The following WDR64 variants were observed in gnomAD, a reference collection of about 807,000 sequenced individuals.
The protein encoded by WDR64 is WD repeat-containing protein 64.
WDR64 carries 112 observed loss-of-function variants against 139.3 expected under a neutral mutation model. The ratio of observed to expected loss-of-function variants is 0.80; its 90% confidence interval spans 0.69 to 0.94. The LOEUF (loss-of-function observed/expected upper bound fraction) is 0.94. Ranked by LOEUF, WDR64 falls within the 40% of genes least tolerant of loss-of-function variation. The probability of loss-of-function intolerance (pLI) is 0.00; values close to 1 mark genes in which losing one functional copy is unlikely to be tolerated. For synonymous variants in WDR64, 444 were observed against 437.7 expected (o/e 1.01, Z -0.18); for missense variants, 1,206 against 1,293.1 (o/e 0.93, Z 1.03).
chr1:241,764,391 A>G (rs1658053930), intron 15 of WDR64, among the ~76,000 whole-genome samples: 2 of 152,152 alleles, frequency 1.3e-5, no homozygotes, highest in African/African-American at 4.8e-5. Flanking sequence ...AGTGGCTCAC[A>G]CCTGTAATCT....
At chr1:241,772,475 T>TTTTTTTTA (rs1424689400) in intron 19 of WDR64, among the ~76,000 whole-genome samples, 2 of 77,304 alleles carry the variant, frequency 2.6e-5, no homozygotes, top group African/African-American at 1.2e-4. Context: ...TTTTTTTTTT[T>TTTTTTTTA]TTTTTGAGAC....
At chr1:241,779,914 T>A in intron 21 of WDR64, 90 bp from the exon 22 acceptor site, 1 of 929,150 alleles carries the variant, frequency 1.1e-6, no homozygotes, top group Middle Eastern at 3.3e-4. Flanking sequence ...TTCAGCATTA[T>A]AAATACCTAA....
At chr1:241,686,353 A>T (rs1667003180) in intron 7 of WDR64, among the ~76,000 whole-genome samples, 1 of 152,238 alleles carries the variant, frequency 6.6e-6, no homozygotes, top group Non-Finnish European at 1.5e-5. Context: ...AGAAAGAAGT[A>T]GCCAGGATCC....
chr1:241,763,371 T>C (rs1658008145), intron 15 of WDR64, among the ~76,000 whole-genome samples: 1 of 152,262 alleles, frequency 6.6e-6, no homozygotes, highest in South Asian at 2.1e-4. Flanking sequence ...ATTATCATTA[T>C]AGCACTTCCT....
At chr1:241,687,312 A>G (rs936088788) in intron 7 of WDR64, 149 bp from the exon 8 acceptor site, 1 of 958,364 alleles carries the variant, frequency 1.0e-6, no homozygotes, top group Non-Finnish European at 1.5e-6. Context: ...TCTAAAAAAA[A>G]AAAAAAAAAG....
chr1:241,747,342 A>G (rs1324418776), intron 13 of WDR64, among the ~76,000 whole-genome samples: 2 of 152,086 alleles, frequency 1.3e-5, no homozygotes, highest in Non-Finnish European at 2.9e-5. Flanking sequence ...AGTTAATGGG[A>G]TTTTCTAATG....
At chr1:241,783,634 GTT>G (rs894462339) in intron 23 of WDR64, among the ~76,000 whole-genome samples, 1 of 152,026 alleles carries the variant, frequency 6.6e-6, no homozygotes, top group Non-Finnish European at 1.5e-5. Flanking sequence ...TAAAAGTGAA[GTT>G]TTTTTTGTAG....
chr1:241,795,834 T>C (rs1340525390), intron 26 of WDR64, among the ~76,000 whole-genome samples: 1 of 152,208 alleles, frequency 6.6e-6, no homozygotes, highest in Non-Finnish European at 1.5e-5. Flanking sequence ...AGAGACCAAA[T>C]ATTTCAAATT....
intron 1 of WDR64, among the ~76,000 whole-genome samples, chr1:241,653,133 A>G (rs912711632): frequency 2.6e-5 from 4 of 152,226 alleles, no homozygotes; most frequent in African/African-American, 4.8e-5. Flanking sequence ...TATGGTGGAC[A>G]GTGGTCTTAC....
intron 12 of WDR64, among the ~76,000 whole-genome samples, chr1:241,743,774 C>T (rs1669643661): frequency 6.6e-6 from 1 of 152,156 alleles, no homozygotes; most frequent in Non-Finnish European, 1.5e-5. Context: ...TGAGTCTTGA[C>T]ATGTCTCTAG....
At chr1:241,705,996 A>G (rs2148160243) in intron 8 of WDR64, among the ~76,000 whole-genome samples, 1 of 151,210 alleles carries the variant, frequency 6.6e-6, no homozygotes, top group South Asian at 2.1e-4. Flanking sequence ...TCAATCTTAC[A>G]CATTATTTTT....
chr1:241,704,611 CATT>C (rs1350187203), intron 8 of WDR64, among the ~76,000 whole-genome samples: 1 of 152,098 alleles, frequency 6.6e-6, no homozygotes, highest in African/African-American at 2.4e-5. Context: ...GGGCTCCTAT[CATT>C]ATTTTTTATA....
rs868339636 is a variant in WDR64 at position 241,748,018 on chromosome 1, A to C, written c.1595-1529A>C. On this transcript the variant is annotated intron_variant, in intron 13 of 27. Transcript: ENST00000437684. ...CCATGCTCCTCACAGAGCTCGTCAC[A>C]TGTCACACAGTGCTGGCCTCCCTCA... 2.0e-5 allele frequency among the ~76,000 whole-genome samples: 3 copies of C among 152,302 alleles called. No individual in the cohort carries two copies. In the Middle Eastern group the frequency reaches 0.01, roughly 518 times the overall value.
intron 3 of WDR64, among the ~76,000 whole-genome samples, 200 bp downstream of exon 3, chr1:241,671,376 T>C (rs1351673929): frequency 6.6e-6 from 1 of 152,164 alleles, no homozygotes; most frequent in Admixed American, 6.5e-5. Flanking sequence ...ATATTATAAT[T>C]TCTTTGAAGG....
intron 11 of WDR64, among the ~76,000 whole-genome samples, chr1:241,740,017 AT>A (rs1669473174): frequency 6.6e-6 from 1 of 152,148 alleles, no homozygotes; most frequent in South Asian, 2.1e-4. Context: ...CATTACAATC[AT>A]CTATTTTTTT....
intron 25 of WDR64, among the ~76,000 whole-genome samples, chr1:241,793,545 T>C (rs189167978): frequency 6.6e-6 from 1 of 152,372 alleles, no homozygotes; most frequent in African/African-American, 2.4e-5. Context: ...TCATATTTAA[T>C]AAATATTTAA....
intron 3 of WDR64, 74 bp from the exon 4 acceptor site, chr1:241,674,570 A>G (rs1666390772): frequency 9.8e-7 from 1 of 1,019,578 alleles, no homozygotes. Flanking sequence ...TCATTTTTTA[A>G]AAAAACAAAT....
intron 15 of WDR64, among the ~76,000 whole-genome samples, chr1:241,759,938 A>G (rs958024179): frequency 5.9e-5 from 9 of 152,092 alleles, no homozygotes; most frequent in Admixed American, 2.6e-4. Context: ...ACGAACTTAC[A>G]CTGAGGATCT....
intron 10 of WDR64, among the ~76,000 whole-genome samples, chr1:241,729,653 C>A (rs890287732): frequency 2.6e-5 from 4 of 152,082 alleles, no homozygotes; most frequent in African/African-American, 9.7e-5. Flanking sequence ...ATGCCCAAAG[C>A]CTTCACTAAG....
Sources: gnomAD v4.1 joint callset for allele counts (sites outside exome capture counted in the v4.1 genomes callset) on GRCh38, gnomAD v4.1.1 for gene constraint, MANE v1.5 for transcripts, NCBI Gene and HGNC (gene_info 2026-07-23, HGNC 2026-07-21) for gene names.